Variants in FDCSP observed in about 807,000 individuals in gnomAD.
FDCSP encodes the protein follicular dendritic cell secreted protein.
Under a neutral mutation model 8.9 loss-of-function variants are expected in FDCSP, and 8 were observed. The observed-to-expected ratio is 0.90, with a 90% CI of 0.53 to 1.63. FDCSP has a LOEUF of 1.63. FDCSP is among the 40% of genes most tolerant of loss of function. FDCSP has a pLI of 0.00. For missense variants in FDCSP, 101 were observed against 103.6 expected (o/e 0.98, Z 0.11); for synonymous variants, 34 against 34.5 (o/e 0.98, Z 0.06).
chr4:70,233,634 A>G (rs1441645269), intron 3 of FDCSP, among the ~76,000 whole-genome samples: 4 of 151,692 alleles, frequency 2.6e-5, no homozygotes, highest in Non-Finnish European at 5.9e-5. Context: ...ATTGAGAGCA[A>G]AAGCAGGAAG....
intron 2 of FDCSP, 111 bp downstream of exon 2, chr4:70,231,362 C>T (rs1730079734): frequency 1.2e-6 from 1 of 832,830 alleles, no homozygotes; most frequent in South Asian, 2.1e-5. Flanking sequence ...TATAACAGAG[C>T]TACCAAGTGC....
At chr4:70,230,071 AAC>A (rs1197933465) in intron 1 of FDCSP, among the ~76,000 whole-genome samples, 1 of 151,670 alleles carries the variant, frequency 6.6e-6, no homozygotes, top group Non-Finnish European at 1.5e-5. Flanking sequence ...GTATATACAC[AAC>A]ACCTAGAATA....
intron 4 of FDCSP, 23 bp downstream of exon 4, chr4:70,234,238 A>G (rs1730136561): frequency 6.8e-7 from 1 of 1,481,300 alleles, no homozygotes. Context: ...AGTTACAATC[A>G]TAGTTTATTT....
At chr4:70,228,199 A>G (rs1730021130) in intron 1 of FDCSP, among the ~76,000 whole-genome samples, 1 of 151,850 alleles carries the variant, frequency 6.6e-6, no homozygotes, top group African/African-American at 2.4e-5. Flanking sequence ...GTAGTATTTT[A>G]AATCATTTAC....
intron 1 of FDCSP, 139 bp from the exon 2 acceptor site, chr4:70,231,055 TG>T (rs1454261216): frequency 3.3e-6 from 2 of 603,766 alleles, no homozygotes; most frequent in African/African-American, 1.9e-5. Context: ...GTAAGTGACT[TG>T]CTCAAACTCA....
At chr4:70,229,411 T>C (rs1730042572) in intron 1 of FDCSP, among the ~76,000 whole-genome samples, 1 of 151,854 alleles carries the variant, frequency 6.6e-6, no homozygotes, top group Non-Finnish European at 1.5e-5. Flanking sequence ...GTGTTCATTG[T>C]AGTAGCACTT....
intron 4 of FDCSP, 33 bp from the exon 5 acceptor site, chr4:70,235,052 A>G (rs1449221834): frequency 6.6e-6 from 1 of 151,734 alleles, no homozygotes; most frequent in Non-Finnish European, 1.5e-5. Context: ...GACCCATTGC[A>G]ATTAATAACC....
intron 1 of FDCSP, among the ~76,000 whole-genome samples, chr4:70,228,081 C>T (rs115209548): frequency 6.6e-6 from 1 of 151,798 alleles, no homozygotes; most frequent in Non-Finnish European, 1.5e-5. Context: ...CTGTAGCATG[C>T]GATGTTGTAG....
At chr4:70,226,715 A>G (rs1441989515) in intron 1 of FDCSP, among the ~76,000 whole-genome samples, 1 of 151,894 alleles carries the variant, frequency 6.6e-6, no homozygotes, top group Non-Finnish European at 1.5e-5. Flanking sequence ...TTAATTATCT[A>G]GGAAGATGCA....
chr4:70,233,657 T>C (rs1320241172), intron 3 of FDCSP, among the ~76,000 whole-genome samples: 3 of 151,602 alleles, frequency 2.0e-5, no homozygotes, highest in African/African-American at 7.3e-5. Context: ...GGAACTGAGA[T>C]AATGAAAGAG....
chr4:70,233,094 A>T lies in FDCSP; in HGVS notation c.90+68A>T, dbSNP rs546042384. 5.2e-5 allele frequency: 71 copies of T among 1,366,364 alleles called. No homozygotes were observed. The African/African-American group carries it at 8.4e-4, about 16-fold the overall frequency. The allele number at this position is 1,366,364 out of a possible 1,614,324, so 84.6% of individuals were successfully genotyped here. A position where few individuals can be genotyped will look rare whatever the true frequency, so the allele number is the denominator to read the frequency against. On this transcript the variant is annotated intron_variant, in intron 3 of 4. Transcript: ENST00000317987. ...GAAATATTCATAACTATTGTTAAAG[A>T]TATTGATTTATCTAAACCTCCCAAA...
At chr4:70,232,103 T>C (rs1343461366) in intron 2 of FDCSP, among the ~76,000 whole-genome samples, 2 of 151,730 alleles carry the variant, frequency 1.3e-5, no homozygotes, top group Admixed American at 6.6e-5. Context: ...TAATTTATTA[T>C]CAAGGGAAGA....
Position 70,232,887 on chromosome 4 carries a change from G to A in FDCSP, c.58-107G>A, listed in dbSNP as rs78042521. 1,652 of 962,892 alleles carry A rather than the reference G, an allele frequency of 1.7e-3. 19 individuals carry two copies. In the African/African-American group the frequency reaches 0.025, roughly 14 times the overall value. The allele number at this position is 962,892 out of a possible 1,614,324, so 59.6% of individuals were successfully genotyped here. Reference sequence around the variant, plus strand: ...ACAAATTATGGGTATTTTAAAAAATGGTTATTATGAAACAATATTAGGTAA... The same window carrying A: ...ACAAATTATGGGTATTTTAAAAAATAGTTATTATGAAACAATATTAGGTAA... On this transcript the variant is annotated intron_variant, in intron 2 of 4. Coordinates refer to ENST00000317987, the MANE Select transcript of FDCSP (RefSeq NM_152997.4).
intron 1 of FDCSP, among the ~76,000 whole-genome samples, chr4:70,226,762 G>A (rs539889975): frequency 2.0e-5 from 3 of 151,862 alleles, no homozygotes; most frequent in Non-Finnish European, 2.9e-5. Flanking sequence ...TCTACAGCAC[G>A]CAGCAATAAA....
chr4:70,226,444 G>C (rs1203963976), intron 1 of FDCSP, among the ~76,000 whole-genome samples: 1 of 151,718 alleles, frequency 6.6e-6, no homozygotes, highest in Non-Finnish European at 1.5e-5. Context: ...ATCTTTCTAG[G>C]AGTGGAGCAC....
intron 1 of FDCSP, among the ~76,000 whole-genome samples, chr4:70,230,944 T>C (rs2109685141): frequency 6.6e-6 from 1 of 151,852 alleles, no homozygotes; most frequent in East Asian, 1.9e-4. Flanking sequence ...TAATGTTTAT[T>C]TTTAAAGCAA....
intron 1 of FDCSP, among the ~76,000 whole-genome samples, chr4:70,230,718 G>A (rs1730065966): frequency 2.0e-5 from 3 of 151,576 alleles, no homozygotes; most frequent in Admixed American, 6.6e-5. Flanking sequence ...TACTTTCATG[G>A]ACATTAGTAT....
chr4:70,233,890 G>T (rs973120776), intron 3 of FDCSP, 130 bp from the exon 4 acceptor site: 2 of 789,022 alleles, frequency 2.5e-6, no homozygotes, highest in Non-Finnish European at 4.0e-6. Flanking sequence ...CACACAGAAA[G>T]GATAAAGGAT....
chr4:70,230,173 C>G (rs1730055530), intron 1 of FDCSP, among the ~76,000 whole-genome samples: 1 of 151,718 alleles, frequency 6.6e-6, no homozygotes, highest in South Asian at 2.1e-4. Flanking sequence ...GTCCCCTAGC[C>G]AATCTCCATT....
Sources: allele counts gnomAD v4.1 joint callset (sites outside exome capture counted in the v4.1 genomes callset), GRCh38; gene constraint gnomAD v4.1.1; transcripts MANE v1.5; gene names NCBI Gene and HGNC (gene_info 2026-07-23, HGNC 2026-07-21).